Variants in MYO3A observed in about 807,000 individuals in gnomAD.
MYO3A encodes myosin-IIIa.
Under a neutral mutation model 192.7 loss-of-function variants are expected in MYO3A, and 180 were observed. The observed-to-expected ratio is 0.93, with a 90% confidence interval of 0.83 to 1.06. The LOEUF (loss-of-function observed/expected upper bound fraction) is 1.06. MYO3A is among the 50% of genes least tolerant of loss of function. MYO3A has a pLI of 0.00. For missense variants in MYO3A, 1,896 were observed against 1,905.0 expected (o/e 1.00, Z 0.09); for synonymous variants, 628 against 645.3 (o/e 0.97, Z 0.41).
chr10:26,199,965 G>A (rs1012775886), intron 32 of MYO3A, among the ~76,000 whole-genome samples: 9 of 152,112 alleles, frequency 5.9e-5, no homozygotes, highest in African/African-American at 1.2e-4. Context: ...CCCCAGTCCC[G>A]GAGATCATTA....
At chr10:25,939,662 C>T (rs1432000956) in intron 2 of MYO3A, among the ~76,000 whole-genome samples, 1 of 151,816 alleles carries the variant, frequency 6.6e-6, no homozygotes, top group African/African-American at 2.4e-5. Context: ...AATTGCATTG[C>T]AATCATACGT....
Position 26,166,068 on chromosome 10 carries a change from T to TA in MYO3A, c.3002dup (p.Tyr1001Ter), listed in dbSNP as rs1295101580. The change falls in exon 27 of 35, where the codon TAC becomes TAAC. Residue 1001 changes from tyrosine to a stop codon, truncating the protein, a stop_gained and frameshift_variant and splice_region_variant. Coordinates refer to ENST00000642920, the MANE Select transcript of MYO3A (RefSeq NM_017433.5). LOFTEE classifies it high-confidence loss of function. Reference sequence around the variant, plus strand: ...ACCAGCCCTTTTTTCCATTCCAAGGTACTACCTTCTCTGCTACAAGTCGAG... The same window carrying TA: ...ACCAGCCCTTTTTTCCATTCCAAGGTAACTACCTTCTCTGCTACAAGTCGAG... ...RILFANFIKRYYLLCYKSSEE... is the reference protein window; with the variant it reads ...RILFANFIKR 1 of 1,613,626 alleles carries TA rather than the reference T, an allele frequency of 6.2e-7. No individual in the cohort carries two copies. Among genetic ancestry groups the TA allele is most frequent in the East Asian group, 2.2e-5 (1 of 44,894 alleles).
chr10:26,127,178 T>C (rs1477432143), intron 19 of MYO3A, among the ~76,000 whole-genome samples: 1 of 152,146 alleles, frequency 6.6e-6, no homozygotes, highest in Non-Finnish European at 1.5e-5. Context: ...AAAATAGATA[T>C]ATTTCTATAT....
intron 23 of MYO3A, among the ~76,000 whole-genome samples, chr10:26,149,684 AC>A (rs2131884469): frequency 6.6e-6 from 1 of 152,336 alleles, no homozygotes; most frequent in African/African-American, 2.4e-5. Flanking sequence ...TTGGAAATAT[AC>A]GTACATTGTA....
intron 3 of MYO3A, among the ~76,000 whole-genome samples, chr10:25,954,298 G>A (rs1837397792): frequency 1.3e-5 from 2 of 152,094 alleles, no homozygotes; most frequent in South Asian, 4.1e-4. Flanking sequence ...CTAAGTGGCT[G>A]TCTTTCATTC....
At chr10:26,172,247 T>C (rs1009953255) in intron 29 of MYO3A, among the ~76,000 whole-genome samples, 3 of 152,218 alleles carry the variant, frequency 2.0e-5, no homozygotes, top group Admixed American at 1.3e-4. Context: ...AAGCGCTTGT[T>C]TTCACTTAAC....
intron 32 of MYO3A, among the ~76,000 whole-genome samples, chr10:26,198,424 C>T (rs748127001): frequency 5.0e-4 from 76 of 152,168 alleles, no homozygotes; most frequent in Admixed American, 4.5e-3. Context: ...CTCAAAAAAA[C>T]GAGTAATCGA....
At chr10:26,020,491 A>C (rs1404384964) in intron 7 of MYO3A, among the ~76,000 whole-genome samples, 1 of 152,186 alleles carries the variant, frequency 6.6e-6, no homozygotes, top group East Asian at 1.9e-4. Context: ...AGAAGGTGAG[A>C]TATCATTCCT....
At chr10:26,146,990 A>T (rs1840502418) in intron 22 of MYO3A, among the ~76,000 whole-genome samples, 1 of 152,152 alleles carries the variant, frequency 6.6e-6, no homozygotes, top group South Asian at 2.1e-4. Flanking sequence ...AGTGCCAGAA[A>T]CACAAAAAGC....
At chr10:26,125,334 T>C in intron 18 of MYO3A, 64 bp from the exon 19 acceptor site, 2 of 1,459,024 alleles carry the variant, frequency 1.4e-6, no homozygotes, top group Non-Finnish European at 1.9e-6. Flanking sequence ...TAAGACATTT[T>C]CATTTTTGGG....
intron 10 of MYO3A, among the ~76,000 whole-genome samples, chr10:26,042,461 G>T (rs1564487376): frequency 6.6e-6 from 1 of 151,920 alleles, no homozygotes; most frequent in Non-Finnish European, 1.5e-5. Flanking sequence ...CCTTTTGGGG[G>T]TATTTTTAGA....
chr10:26,176,187 T>G (rs933124918), intron 30 of MYO3A, among the ~76,000 whole-genome samples: 1 of 151,090 alleles, frequency 6.6e-6, no homozygotes. Flanking sequence ...CCAGCTACTC[T>G]GGAGGCTGAG....
intron 1 of MYO3A, among the ~76,000 whole-genome samples, chr10:25,934,765 G>GA (rs1835936067): frequency 6.6e-6 from 1 of 151,578 alleles, no homozygotes; most frequent in Non-Finnish European, 1.5e-5. Flanking sequence ...AGGGGATAGT[G>GA]AGGGGGGATC....
intron 6 of MYO3A, among the ~76,000 whole-genome samples, chr10:26,013,924 A>G (rs1274407563): frequency 1.3e-5 from 2 of 152,164 alleles, no homozygotes; most frequent in African/African-American, 2.4e-5. Context: ...TGTATACACC[A>G]TGGAATACTA....
intron 4 of MYO3A, among the ~76,000 whole-genome samples, chr10:25,977,376 T>C (rs1006505108): frequency 2.0e-5 from 3 of 152,116 alleles, no homozygotes; most frequent in African/African-American, 7.2e-5. Flanking sequence ...ATGAAACAGG[T>C]ACAGGAGGGG....
chr10:26,091,851 C>A (rs1836720820), intron 15 of MYO3A, among the ~76,000 whole-genome samples: 1 of 152,232 alleles, frequency 6.6e-6, no homozygotes, highest in Admixed American at 6.5e-5. Flanking sequence ...TTCATGCATC[C>A]ATCCAGCCAT....
chr10:26,179,226 G>A (rs1842490674), intron 31 of MYO3A, among the ~76,000 whole-genome samples: 1 of 147,578 alleles, frequency 6.8e-6, no homozygotes, highest in South Asian at 2.2e-4. Flanking sequence ...AGCCTCCCCA[G>A]TAGCTGGGAT....
intron 6 of MYO3A, among the ~76,000 whole-genome samples, chr10:26,005,670 T>G (rs147515156): frequency 6.6e-6 from 1 of 152,258 alleles, no homozygotes; most frequent in Non-Finnish European, 1.5e-5. Flanking sequence ...TCTCTAAGGT[T>G]GAAATTATGT....
chr10:26,108,279 T>C (rs1261054614), intron 17 of MYO3A, among the ~76,000 whole-genome samples: 1 of 152,250 alleles, frequency 6.6e-6, no homozygotes, highest in Non-Finnish European at 1.5e-5. Context: ...TGAATTTTGA[T>C]TTCATTTTCA....
Sources: allele counts gnomAD v4.1 joint callset (sites outside exome capture counted in the v4.1 genomes callset), GRCh38; gene constraint gnomAD v4.1.1; transcripts MANE v1.5; gene names NCBI Gene and HGNC (gene_info 2026-07-23, HGNC 2026-07-21).